USP25: variants seen among roughly 807,000 people sequenced by gnomAD.
USP25 encodes the protein ubiquitin specific peptidase 25.
Under a neutral mutation model 158.5 loss-of-function variants are expected in USP25, and 85 were observed. The ratio of observed to expected loss-of-function variants is 0.54; its 90% CI spans 0.45 to 0.64. USP25 has a LOEUF of 0.64. Ranked by LOEUF, USP25 falls within the 30% of genes least tolerant of loss-of-function variation. USP25 has a pLI of 0.00. For missense variants in USP25, 1,242 were observed against 1,327.3 expected, an observed-to-expected ratio of 0.94 and a Z score of 1.00; for synonymous variants, 464 against 460.4, an observed-to-expected ratio of 1.01 and a Z score of -0.10.
chr21:15,738,317 A>G (rs948474972), intron 1 of USP25, among the ~76,000 whole-genome samples: 43 of 152,292 alleles, frequency 2.8e-4, no homozygotes, highest in Middle Eastern at 3.4e-3. Flanking sequence ...GAATGATCAT[A>G]CCAAGCTCTC....
chr21:15,832,747 G>C (rs377443792), intron 16 of USP25, among the ~76,000 whole-genome samples: 1 of 152,002 alleles, frequency 6.6e-6, no homozygotes, highest in Non-Finnish European at 1.5e-5. Context: ...GGCCGGGCGC[G>C]GTGGCTTATG....
chr21:15,754,035 G>A (rs185473897), intron 1 of USP25, among the ~76,000 whole-genome samples: 427 of 152,308 alleles, frequency 2.8e-3, no homozygotes, highest in Non-Finnish European at 4.7e-3. Flanking sequence ...CCCTCTTGCT[G>A]ATACAGATAC....
At chr21:15,763,560 A>G (rs1008694499) in intron 2 of USP25, among the ~76,000 whole-genome samples, 6 of 152,168 alleles carry the variant, frequency 3.9e-5, no homozygotes, top group Non-Finnish European at 5.9e-5. Context: ...GGATACTCAC[A>G]TTGAAAAAGA....
chr21:15,854,046 C>G (rs1170361030), intron 20 of USP25, among the ~76,000 whole-genome samples: 1 of 152,238 alleles, frequency 6.6e-6, no homozygotes, highest in East Asian at 1.9e-4. Flanking sequence ...GTTGCTGCTT[C>G]TGTCTTCCTG....
rs143653510 is a variant in USP25, at chr21:15,812,979, T to A, written c.931+1769T>A. 4.5e-3 allele frequency among the ~76,000 whole-genome samples: 691 copies of A among 152,164 alleles called. 5 individuals carry two copies. The highest frequency in any genetic ancestry group is 0.015 in the African/African-American group (638 of 41,502). ...CTCTCAGCCCTTCTCTGTACTTCAC[T>A]CCTTCCTTTTTCATCTAAAACCTAA... On this transcript the variant is annotated intron_variant, in intron 9 of 25. Coordinates refer to ENST00000400183, the MANE Select transcript of USP25 (RefSeq NM_001283041.3).
chr21:15,823,984 G>A (rs1481116838), intron 10 of USP25, 55 bp from the exon 11 acceptor site: 5 of 1,546,068 alleles, frequency 3.2e-6, no homozygotes, highest in Non-Finnish European at 4.4e-6. Flanking sequence ...TAAGATTGCA[G>A]TGAAGAAAAC....
intron 5 of USP25, among the ~76,000 whole-genome samples, chr21:15,799,002 T>G (rs1437181588): frequency 6.6e-6 from 1 of 151,302 alleles, no homozygotes; most frequent in African/African-American, 2.4e-5. Flanking sequence ...ATAAAACATT[T>G]TACACATACA....
chr21:15,827,052 G>A lies in USP25; in HGVS notation c.1542G>A (p.Ser514=), dbSNP rs749546781. The A allele has an allele frequency of 3.7e-6, 6 of 1,613,984 alleles. No homozygotes were observed. Among genetic ancestry groups the A allele is most frequent in the Admixed American group, 1.7e-5 (1 of 59,994 alleles). The part of the protein sequence containing the change: ...TSPSSVAAIS[S]RSVIHKPFTQ... ...CTTCATCAGTTGCTGCCATTTCATC[G>A]AGATCAGTAATACACAAACCATTTA... is the stretch of plus-strand genomic sequence containing the variant. The change falls in exon 14 of 26, where the codon TCG becomes TCA. Residue 514 remains serine, a synonymous_variant. Coordinates refer to ENST00000400183, the MANE Select transcript of USP25 (RefSeq NM_001283041.3).
rs534248190 is a variant in USP25 at position 15,820,999 on chromosome 21, T to A, written c.1080+2153T>A. Among the ~76,000 whole-genome samples the A allele has an allele frequency of 5.9e-5, 9 of 152,108 alleles. No individual in the cohort carries two copies. In the South Asian group the frequency reaches 1.0e-3, roughly 18 times the overall value. On this transcript the variant is annotated intron_variant, in intron 10 of 25. Transcript: ENST00000400183. ...GCTTAAATATTTTTTAAATGATACA[T>A]TTTAACTTTTAAATGGTATGCAATT... is the stretch of plus-strand genomic sequence containing the variant.
At chr21:15,757,276 C>T (rs1407286587) in intron 1 of USP25, among the ~76,000 whole-genome samples, 1 of 152,124 alleles carries the variant, frequency 6.6e-6, no homozygotes, top group Non-Finnish European at 1.5e-5. Context: ...TTTCTCTCTA[C>T]CTAGGTTTAG....
Position 15,827,017 on chromosome 21 carries a change from A to C in USP25, c.1507A>C (p.Ser503Arg). Residue 503 changes from serine to arginine, a missense_variant, in exon 14 of 26, where the codon AGC becomes CGC. By Grantham distance (110) the Ser-to-Arg change is moderately radical (BLOSUM62 -1). Transcript: ENST00000400183. ...QQGALSSELP[S>R]TSPSSVAAIS... ...GGGAGCCCTATCTTCAGAACTGCCA[A>C]GCACATCACCTTCATCAGTTGCTGC... The C allele has an allele frequency of 6.2e-7, 1 of 1,614,144 alleles. No homozygotes were observed. Among genetic ancestry groups the C allele is most frequent in the East Asian group, 2.2e-5 (1 of 44,878 alleles).
At chr21:15,783,333 C>T (rs1228646694) in intron 4 of USP25, among the ~76,000 whole-genome samples, 2 of 152,136 alleles carry the variant, frequency 1.3e-5, no homozygotes, top group African/African-American at 4.8e-5. Flanking sequence ...GCATAGACCA[C>T]CCATTTGGTT....
intron 7 of USP25, among the ~76,000 whole-genome samples, chr21:15,806,290 C>CT (rs1036960483): frequency 8.0e-5 from 12 of 149,336 alleles, no homozygotes; most frequent in East Asian, 5.9e-4. Flanking sequence ...ATGTGTTTTA[C>CT]TTTTTTTTTT....
chr21:15,808,731 C>G (rs1240646164), intron 7 of USP25, 78 bp from the exon 8 acceptor site: 3 of 999,856 alleles, frequency 3.0e-6, no homozygotes, highest in African/African-American at 3.3e-5. Context: ...CAACAACTGG[C>G]TCTAGGTTTG....
chr21:15,786,713 T>A (rs774578619), intron 4 of USP25, among the ~76,000 whole-genome samples: 13 of 152,126 alleles, frequency 8.5e-5, no homozygotes, highest in Non-Finnish European at 1.6e-4. Context: ...ATCAAGAACC[T>A]AACAAAGATG....
chr21:15,802,729 G>C (rs184358200), intron 6 of USP25, among the ~76,000 whole-genome samples: 118 of 151,792 alleles, frequency 7.8e-4, no homozygotes, highest in African/African-American at 2.7e-3. Context: ...ATTAATGATA[G>C]CAGCTTGCAT....
chr21:15,742,178 C>G (rs2032122098), intron 1 of USP25, among the ~76,000 whole-genome samples: 1 of 151,672 alleles, frequency 6.6e-6, no homozygotes, highest in Non-Finnish European at 1.5e-5. Flanking sequence ...ATTGGAAAAC[C>G]CCCACTATAT....
At chr21:15,858,845 G>A (rs1415466355) in intron 20 of USP25, among the ~76,000 whole-genome samples, 3 of 151,634 alleles carry the variant, frequency 2.0e-5, no homozygotes, top group Admixed American at 1.3e-4. Flanking sequence ...TAAACTGATT[G>A]GTATTGAAAT....
chr21:15,745,473 C>CTTTTTTTTTTTTTTTTTT (rs11284817), intron 1 of USP25, among the ~76,000 whole-genome samples: 24 of 112,986 alleles, frequency 2.1e-4, no homozygotes, highest in Middle Eastern at 5.8e-3. Flanking sequence ...TTTTTCTTTT[C>CTTTTTTTTTTTTTTTTTT]TTTTTTTTTT....
Sources: gnomAD v4.1 joint callset for allele counts (sites outside exome capture counted in the v4.1 genomes callset) on GRCh38, gnomAD v4.1.1 for gene constraint, MANE v1.5 for transcripts, NCBI Gene and HGNC (gene_info 2026-07-23, HGNC 2026-07-21) for gene names.